Variants in F13B observed in about 807,000 individuals in gnomAD.
F13B encodes coagulation factor XIII B chain, also known as TGase.
Under a neutral mutation model 79.8 loss-of-function variants are expected in F13B, and 58 were observed. That is an observed-to-expected ratio of 0.73 (90% CI 0.59 to 0.90). F13B has a LOEUF of 0.90. Among genes scored for constraint, F13B ranks in the 40% least tolerant of loss-of-function variants. The pLI, the probability that F13B is intolerant of heterozygous loss-of-function variation, is 0.00. For missense variants in F13B, 773 were observed against 777.0 expected, an observed-to-expected ratio of 0.99 and a Z score of 0.06; for synonymous variants, 283 against 260.3, an observed-to-expected ratio of 1.09 and a Z score of -0.84.
chr1:197,051,551 G>T (rs528788628), intron 9 of F13B, among the ~76,000 whole-genome samples: 2 of 152,176 alleles, frequency 1.3e-5, no homozygotes, highest in Admixed American at 6.6e-5. Flanking sequence ...TCACAAGAAG[G>T]TGATCAATTC....
chr1:197,060,463 G>A lies in F13B; in HGVS notation c.708C>T (p.Val236=), dbSNP rs770980106. ...AATTTTCATGACAGAAAAACTGAACGACATCTCCTTCTTCATAGGTTTGCT... is the reference window on the plus strand; with the variant it reads ...AATTTTCATGACAGAAAAACTGAACAACATCTCCTTCTTCATAGGTTTGCT... ...PVKQTYEEGD[V]VQFFCHENYY... Residue 236 remains valine (V), a synonymous_variant, in exon 5 of 12, where the codon GTC becomes GTT. Coordinates refer to ENST00000367412, the MANE Select transcript of F13B (RefSeq NM_001994.3). 24 of 1,607,322 alleles carry A rather than the reference G, an allele frequency of 1.5e-5. No individual in the cohort carries two copies. Among genetic ancestry groups the A allele is most frequent in the African/African-American group, 2.7e-5 (2 of 74,680 alleles).
At chr1:197,056,001 T>C in intron 7 of F13B, 104 bp from the exon 8 acceptor site, 3 of 1,075,758 alleles carry the variant, frequency 2.8e-6, no homozygotes, top group South Asian at 1.6e-5. Flanking sequence ...TTTAGGACAA[T>C]TGTTTTATAA....
chr1:197,040,424 C>T, intron 11 of F13B, 98 bp downstream of exon 11: 1 of 787,090 alleles, frequency 1.3e-6, no homozygotes, highest in South Asian at 1.6e-5. Context: ...TTTGCAATTG[C>T]CATAAAGTAT....
chr1:197,065,481 G>T (rs965838047), intron 1 of F13B, among the ~76,000 whole-genome samples: 2 of 152,068 alleles, frequency 1.3e-5, no homozygotes, highest in African/African-American at 4.8e-5. Context: ...ATAAAAATGG[G>T]ATATCACTTT....
chr1:197,056,029 A>G, intron 7 of F13B, 132 bp from the exon 8 acceptor site: 1 of 942,508 alleles, frequency 1.1e-6, no homozygotes, highest in Admixed American at 2.9e-5. Context: ...ACAAATATGA[A>G]AAATTTTTTC....
rs1655693559 is a variant in F13B at position 197,057,550 on chromosome 1, C to G, written c.806-85G>C. The G allele has an allele frequency of 2.2e-6, 3 of 1,363,136 alleles. No individual in the cohort carries two copies. The South Asian group carries it at 3.8e-5, about 17-fold the overall frequency. The allele number at this position is 1,363,136 out of a possible 1,614,324, so 84.4% of individuals were successfully genotyped here. Reference sequence around the variant, plus strand: ...AAATTAAAATATTCATCATGTCAAGCATCATAGAGAGAATGGCAGACTGAT... The same window carrying G: ...AAATTAAAATATTCATCATGTCAAGGATCATAGAGAGAATGGCAGACTGAT... On this transcript the variant is annotated intron_variant, in intron 5 of 11. Coordinates refer to ENST00000367412, the MANE Select transcript of F13B (RefSeq NM_001994.3).
At position 197,061,050 on chromosome 1, in the gene F13B, A is replaced by G. The variant is rs1655841024; in HGVS notation, c.477T>C (p.Tyr159=). Residue 159 remains tyrosine, a synonymous_variant, in exon 4 of 12, where the codon TAT becomes TAC. Coordinates refer to ENST00000367412, the MANE Select transcript of F13B (RefSeq NM_001994.3). ...TCTGTGTTGTGGAATAATTTCCATT[A>G]TATAATTCAGGAGCCAAACATGTTT... The part of the protein sequence containing the change: ...EHETCLAPEL[Y]NGNYSTTQKT... The G allele has an allele frequency of 6.3e-7, 1 of 1,578,722 alleles. No homozygotes were observed. Among genetic ancestry groups the G allele is most frequent in the South Asian group, 1.2e-5 (1 of 85,992 alleles).
At chr1:197,049,425 C>T (rs1194874034) in intron 10 of F13B, among the ~76,000 whole-genome samples, 1 of 151,868 alleles carries the variant, frequency 6.6e-6, no homozygotes, top group African/African-American at 2.4e-5. Context: ...TCAATAAAAA[C>T]ATCAAAAAGA....
At chr1:197,066,061 G>A (rs1330250449) in intron 1 of F13B, among the ~76,000 whole-genome samples, 1 of 151,474 alleles carries the variant, frequency 6.6e-6, no homozygotes, top group African/African-American at 2.4e-5. Flanking sequence ...CTAGAATATT[G>A]CAATGTCTTT....
chr1:197,057,387 C>T lies in F13B; in HGVS notation c.884G>A (p.Gly295Glu), dbSNP rs745474835. 5 of 1,613,926 alleles carry T rather than the reference C, an allele frequency of 3.1e-6. No individual in the cohort carries two copies. The East Asian group carries it at 8.9e-5, about 29-fold the overall frequency. The part of the protein sequence containing the change: ...IQTHSTTYRH[G>E]EIVHIECELN... The stretch of plus-strand genomic sequence containing the variant: ...TTCACATTCTATATGAACTATTTCT[C>T]CATGACGATAAGTTGTTGAATGTGT... The change falls in exon 6 of 12, where the codon GGA (glycine) becomes GAA (glutamate). Residue 295 changes from glycine to glutamate, a missense_variant. By Grantham distance (98) the Gly-to-Glu change is moderately conservative (BLOSUM62 -2). Transcript: ENST00000367412.
chr1:197,066,967 A>T (rs541548804), intron 1 of F13B, among the ~76,000 whole-genome samples, 193 bp downstream of exon 1: 1 of 152,254 alleles, frequency 6.6e-6, no homozygotes, highest in East Asian at 1.9e-4. Flanking sequence ...TTTCTGACTT[A>T]TGCTACTGTA....
chr1:197,064,737 T>C (rs970235525), intron 1 of F13B, among the ~76,000 whole-genome samples: 1 of 152,106 alleles, frequency 6.6e-6, no homozygotes. Context: ...ATACTCCAAA[T>C]AAAACATATA....
Position 197,039,288 on chromosome 1 carries a change from C to G in F13B, c.*90G>C, listed in dbSNP as rs1654950076. 2.7e-6 allele frequency: 3 copies of G among 1,110,724 alleles called. No homozygotes were observed. The highest frequency in any genetic ancestry group is 4.0e-6 in the Non-Finnish European group (3 of 741,578). 68.8% of individuals were successfully genotyped at this position (1,110,724 alleles called of 1,614,324 possible). ...TCAAATATTTAAGCAAGGAAAAACT[C>G]CGAAGTTTTTAACTTATTTCCTCAA... On this transcript the variant is annotated 3_prime_UTR_variant, in exon 12 of 12. Coordinates refer to ENST00000367412, the MANE Select transcript of F13B (RefSeq NM_001994.3).
intron 8 of F13B, among the ~76,000 whole-genome samples, chr1:197,054,655 TG>T (rs1655570566): frequency 6.6e-6 from 1 of 151,904 alleles, no homozygotes; most frequent in African/African-American, 2.4e-5. Context: ...AAAAAACCTG[TG>T]GCTACTAGAA....
intron 1 of F13B, among the ~76,000 whole-genome samples, chr1:197,066,906 C>T (rs1278743383): frequency 6.6e-6 from 1 of 152,028 alleles, no homozygotes; most frequent in African/African-American, 2.4e-5. Flanking sequence ...GTATTTAGAT[C>T]CTGGTCTCCT....
At position 197,050,689 on chromosome 1, in the gene F13B, G is replaced by A. The variant is rs1167326895; in HGVS notation, c.1738+8C>T. 1 of 1,611,296 alleles carries A rather than the reference G, an allele frequency of 6.2e-7. No individual in the cohort carries two copies. Among genetic ancestry groups the A allele is most frequent in the Non-Finnish European group, 8.5e-7 (1 of 1,177,976 alleles). ...TACTTTGTTAGAGGCATATTTAGTA[G>A]TACATACCTAAACACAATGGTGGTG... On this transcript the variant is annotated splice_region_variant and intron_variant, in intron 10 of 11. Coordinates refer to ENST00000367412, the MANE Select transcript of F13B (RefSeq NM_001994.3).
chr1:197,063,416 C>T (rs1655940297), intron 1 of F13B, among the ~76,000 whole-genome samples: 1 of 152,044 alleles, frequency 6.6e-6, no homozygotes. Flanking sequence ...CCAGGAGCTC[C>T]TGGGCTTAAG....
chr1:197,063,992 G>C lies in F13B; in HGVS notation c.65-935C>G, dbSNP rs17514535. Among the ~76,000 whole-genome samples the C allele has an allele frequency of 7.4e-3, 1,125 of 152,080 alleles. 13 individuals carry two copies. Among genetic ancestry groups the C allele is most frequent in the African/African-American group, 0.026 (1,074 of 41,500 alleles). On this transcript the variant is annotated intron_variant, in intron 1 of 11. Coordinates refer to ENST00000367412, the MANE Select transcript of F13B (RefSeq NM_001994.3). ...ATTAAAAGAAAAAACAGACAACCAA[G>C]TAAAACAAAGCAATACTTGGCAAGA...
rs1206081675 is a variant in F13B, at chr1:197,055,897, T to C, written c.1172A>G (p.Glu391Gly). The change falls in exon 8 of 12, where the codon GAA becomes GGA. Residue 391 changes from glutamate to glycine, a missense_variant and splice_region_variant. Glu to Gly is a moderately conservative substitution (Grantham distance 98, BLOSUM62 -2). Transcript: ENST00000367412. ...AGGATGCTTACAATTCTCATTATTT[T>C]CTAAGAAAAGAGGTTGTTTTAAAAT... The part of the protein sequence containing the change: ...GKWTLPPECV[E>G]NNENCKHPPV... 6.2e-7 allele frequency: 1 copy of C among 1,613,110 alleles called. No homozygotes were observed. The highest frequency in any genetic ancestry group is 1.3e-5 in the African/African-American group (1 of 75,004).
Sources: allele counts gnomAD v4.1 joint callset (sites outside exome capture counted in the v4.1 genomes callset), GRCh38; gene constraint gnomAD v4.1.1; transcripts MANE v1.5; gene names NCBI Gene and HGNC (gene_info 2026-07-23, HGNC 2026-07-21).